The following OR1J2 variants were observed in gnomAD, a reference collection of about 807,000 sequenced individuals.
OR1J2 encodes the protein olfactory receptor 1J2.
For synonymous variants in OR1J2, 142 were observed against 99.7 expected (o/e 1.42, Z -2.52); for missense variants, 304 against 246.1 (o/e 1.24, Z -1.57).
chr9:122,571,378 T>C, the OR1J2 span, among the ~76,000 whole-genome samples: 24 of 151,926 alleles, frequency 1.6e-4, no homozygotes, highest in Non-Finnish European at 3.2e-4. Flanking sequence ...GGTTAAATCC[T>C]GTCTCTACTA....
chr9:122,528,281 A>T, the OR1J2 span, among the ~76,000 whole-genome samples: 1 of 152,210 alleles, frequency 6.6e-6, no homozygotes. Context: ...GTTTATCATA[A>T]TCAAGTGAGA....
At chr9:122,470,776 C>CATCA in the OR1J2 span, among the ~76,000 whole-genome samples, 1 of 152,218 alleles carries the variant, frequency 6.6e-6, no homozygotes, top group Admixed American at 6.5e-5. Flanking sequence ...CCACCTCTTG[C>CATCA]ATCAGCATGA....
chr9:122,551,430 A>G, the OR1J2 span, among the ~76,000 whole-genome samples: 1 of 152,118 alleles, frequency 6.6e-6, no homozygotes. Flanking sequence ...TTTTGAGGGT[A>G]TTGTTTCCAT....
the OR1J2 span, among the ~76,000 whole-genome samples, chr9:122,459,929 C>A: frequency 3.3e-5 from 5 of 151,948 alleles, no homozygotes; most frequent in African/African-American, 1.2e-4. Context: ...TTAAAAGACG[C>A]TTTTAATGGC....
At chr9:122,537,405 T>C in the OR1J2 span, among the ~76,000 whole-genome samples, 1 of 152,228 alleles carries the variant, frequency 6.6e-6, no homozygotes, top group Admixed American at 6.5e-5. Context: ...GGGTTAACTT[T>C]CTTGCTGTTT....
At chr9:122,450,042 TG>T in the OR1J2 span, among the ~76,000 whole-genome samples, 5 of 152,210 alleles carry the variant, frequency 3.3e-5, no homozygotes, top group Non-Finnish European at 7.3e-5. Flanking sequence ...TATATTTATG[TG>T]GTACAATGTG....
chr9:122,491,979 G>A, the OR1J2 span, among the ~76,000 whole-genome samples: 1 of 152,100 alleles, frequency 6.6e-6, no homozygotes, highest in Admixed American at 6.6e-5. Flanking sequence ...AAAAAGAATT[G>A]AATGTTTAGA....
the OR1J2 span, chr9:122,553,223 A>G: frequency 6.2e-7 from 1 of 1,613,758 alleles, no homozygotes; most frequent in East Asian, 2.2e-5. Context: ...TGGGAAAACC[A>G]GGCAGAGTGA....
the OR1J2 span, among the ~76,000 whole-genome samples, chr9:122,562,028 C>T: frequency 6.6e-6 from 1 of 152,150 alleles, no homozygotes; most frequent in Non-Finnish European, 1.5e-5. Flanking sequence ...GTCCTTGAGC[C>T]CCTGGCGGGA....
At chr9:122,527,215 C>T in the OR1J2 span, 2 of 1,613,860 alleles carry the variant, frequency 1.2e-6, no homozygotes, top group African/African-American at 1.3e-5. Flanking sequence ...AGGAAAATTC[C>T]GAAGAGGGAC....
chr9:122,484,201 C>T, the OR1J2 span, among the ~76,000 whole-genome samples: 9 of 152,112 alleles, frequency 5.9e-5, no homozygotes, highest in South Asian at 2.1e-4. Flanking sequence ...CTCGCTCTGT[C>T]GCCAGGCTGG....
At chr9:122,465,324 A>G in the OR1J2 span, among the ~76,000 whole-genome samples, 7 of 152,200 alleles carry the variant, frequency 4.6e-5, no homozygotes, top group African/African-American at 1.7e-4. Context: ...CCAAACGCCT[A>G]TCATTCCCTG....
chr9:122,506,057 A>G (rs144510528), upstream of OR1J2, among the ~76,000 whole-genome samples: 694 of 152,276 alleles, frequency 4.6e-3, 8 homozygotes, highest in African/African-American at 0.016. Context: ...GGGCTACCTG[A>G]TGAGTAGGAC....
At chr9:122,516,892 C>T in the OR1J2 span, among the ~76,000 whole-genome samples, 2 of 152,080 alleles carry the variant, frequency 1.3e-5, no homozygotes, top group African/African-American at 2.4e-5. Context: ...CATCAGGTCA[C>T]GATCTCATGA....
chr9:122,558,311 CTTTTTTTTTTTTTT>C, the OR1J2 span, among the ~76,000 whole-genome samples: 10 of 34,472 alleles, frequency 2.9e-4, no homozygotes, highest in African/African-American at 8.6e-4. Flanking sequence ...TTGGATTTTG[CTTTTTTTTTTTTTT>C]TTTTTTTTTT....
the OR1J2 span, among the ~76,000 whole-genome samples, chr9:122,574,831 T>G: frequency 0.39 from 59,905 of 151,688 alleles, 12,311 homozygotes; most frequent in African/African-American, 0.44. Flanking sequence ...AGGATTTTTT[T>G]GGGGGTAGTT....
At chr9:122,516,449 G>A (rs1298613134), downstream of OR1J2, among the ~76,000 whole-genome samples, 1 of 150,770 alleles carries the variant, frequency 6.6e-6, no homozygotes, top group East Asian at 2.0e-4. Context: ...GACTACAGGC[G>A]CCCGCCACTA....
At chr9:122,466,340 A>G in the OR1J2 span, among the ~76,000 whole-genome samples, 1 of 152,178 alleles carries the variant, frequency 6.6e-6, no homozygotes, top group Non-Finnish European at 1.5e-5. Context: ...TACGACTATT[A>G]CAGTTGGCTC....
chr9:122,469,055 C>A, the OR1J2 span, among the ~76,000 whole-genome samples: 2 of 152,164 alleles, frequency 1.3e-5, no homozygotes, highest in Admixed American at 6.5e-5. Context: ...GCTGTGCAGT[C>A]GTGACTTCCT....
Sources: gnomAD v4.1 joint callset for allele counts (sites outside exome capture counted in the v4.1 genomes callset) on GRCh38, gnomAD v4.1.1 for gene constraint, MANE v1.5 for transcripts, NCBI Gene and HGNC (gene_info 2026-07-23, HGNC 2026-07-21) for gene names.